The following PKP4 variants were observed in gnomAD, a reference collection of about 807,000 sequenced individuals.
The protein encoded by PKP4 is plakophilin 4.
A neutral mutation model predicts 145.1 loss-of-function variants in PKP4; 90 were observed. The observed-to-expected ratio is 0.62, with a 90% CI of 0.52 to 0.74. The LOEUF is 0.74. PKP4 is among the 30% of genes least tolerant of loss of function. The probability of loss-of-function intolerance (pLI) is 0.00; values close to 1 mark genes in which losing one functional copy is unlikely to be tolerated. For synonymous variants in PKP4, 563 were observed against 577.2 expected (o/e 0.98, Z 0.35); for missense variants, 1,340 against 1,482.7 (o/e 0.90, Z 1.58).
At chr2:158,540,770 A>T (rs2044450253) in intron 2 of PKP4, among the ~76,000 whole-genome samples, 1 of 152,152 alleles carries the variant, frequency 6.6e-6, no homozygotes, top group South Asian at 2.1e-4. Flanking sequence ...TTTTATTTAC[A>T]TTTGAAAGTA....
In PKP4 at chr2:158,680,840, GA is replaced by G. The variant is rs1010061253; in HGVS notation, c.*166del. ...TTTGAGGAATTATCAGGGAAGTGAG[GA>G]AATGTTTGGGAGAGGACTTTCTAAG... On this transcript the variant is annotated 3_prime_UTR_variant, in exon 22 of 22. Coordinates refer to ENST00000389759, the MANE Select transcript of PKP4 (RefSeq NM_003628.6). 3.1e-6 allele frequency: 2 copies of G among 644,646 alleles called. No individual in the cohort carries two copies. Among genetic ancestry groups the G allele is most frequent in the Admixed American group, 6.6e-5 (2 of 30,290 alleles). 39.9% of individuals were successfully genotyped at this position (644,646 alleles called of 1,614,324 possible).
At chr2:158,609,822 G>A (rs908240396) in intron 4 of PKP4, among the ~76,000 whole-genome samples, 13 of 152,152 alleles carry the variant, frequency 8.5e-5, no homozygotes, top group African/African-American at 2.9e-4. Flanking sequence ...ACTCTAGCTT[G>A]CTTGTTTGTG....
rs948808418 is a variant in PKP4, at chr2:158,661,101, C to T, written c.2094-232C>T. 24 of 375,848 alleles carry T rather than the reference C, an allele frequency of 6.4e-5. No homozygotes were observed. The South Asian group carries it at 8.3e-4, about 13-fold the overall frequency. 23.3% of individuals were successfully genotyped at this position (375,848 alleles called of 1,614,324 possible). ...TATATGAGGGAATTAGAAAGTGACA[C>T]GTCATGAGAGAGATACAGTCCAAAT... On this transcript the variant is annotated intron_variant, in intron 12 of 21. Coordinates refer to ENST00000389759, the MANE Select transcript of PKP4 (RefSeq NM_003628.6).
At chr2:158,581,578 G>T (rs191747334) in intron 3 of PKP4, among the ~76,000 whole-genome samples, 1 of 152,186 alleles carries the variant, frequency 6.6e-6, no homozygotes, top group East Asian at 1.9e-4. Context: ...GTTTAATGAC[G>T]CTTATGCTGT....
At chr2:158,619,385 A>G (rs1473494651) in intron 4 of PKP4, among the ~76,000 whole-genome samples, 7 of 152,230 alleles carry the variant, frequency 4.6e-5, no homozygotes, top group Admixed American at 4.6e-4. Context: ...ATACAGAAGC[A>G]TTCTGTCAAA....
chr2:158,554,900 C>T (rs1245626310), intron 2 of PKP4, among the ~76,000 whole-genome samples: 2 of 152,118 alleles, frequency 1.3e-5, no homozygotes, highest in African/African-American at 2.4e-5. Flanking sequence ...TGTTAGGTAG[C>T]AAGAACAGCA....
intron 3 of PKP4, among the ~76,000 whole-genome samples, chr2:158,581,226 T>C (rs1220908946): frequency 2.0e-5 from 3 of 152,286 alleles, no homozygotes; most frequent in East Asian, 3.9e-4. Context: ...CCATTTCCGA[T>C]TTGCTAAAAA....
chr2:158,672,230 A>G (rs746870655), intron 17 of PKP4, among the ~76,000 whole-genome samples: 2 of 152,218 alleles, frequency 1.3e-5, no homozygotes, highest in Non-Finnish European at 2.9e-5. Context: ...TGGAGGTCCT[A>G]TATTTAAGAG....
intron 4 of PKP4, among the ~76,000 whole-genome samples, chr2:158,607,885 C>T (rs1211484392): frequency 1.3e-5 from 2 of 152,144 alleles, no homozygotes; most frequent in African/African-American, 4.8e-5. Context: ...TCTACCCCTT[C>T]CCCGTTGCTT....
At chr2:158,532,778 C>G in intron 1 of PKP4, among the ~76,000 whole-genome samples, 1 of 152,236 alleles carries the variant, frequency 6.6e-6, no homozygotes, top group Non-Finnish European at 1.5e-5. Flanking sequence ...GACCTTGTTG[C>G]TAGTTATTAA....
intron 7 of PKP4, among the ~76,000 whole-genome samples, chr2:158,626,656 T>G (rs1472176301): frequency 6.6e-6 from 1 of 152,184 alleles, no homozygotes; most frequent in Non-Finnish European, 1.5e-5. Context: ...CTATACCTTG[T>G]CTACACTGCA....
chr2:158,647,700 A>C (rs1254839484), intron 11 of PKP4, among the ~76,000 whole-genome samples: 1 of 152,194 alleles, frequency 6.6e-6, no homozygotes, highest in East Asian at 1.9e-4. Context: ...TTCCAGTTGA[A>C]ACCTAATGAG....
intron 4 of PKP4, among the ~76,000 whole-genome samples, chr2:158,605,005 C>A (rs1217424797): frequency 6.6e-6 from 1 of 152,060 alleles, no homozygotes; most frequent in African/African-American, 2.4e-5. Context: ...CTGACCAAGG[C>A]GGACAGAGGG....
intron 17 of PKP4, among the ~76,000 whole-genome samples, chr2:158,670,949 G>A (rs992905390): frequency 3.3e-5 from 5 of 152,176 alleles, no homozygotes; most frequent in Non-Finnish European, 7.3e-5. Flanking sequence ...TGCCATCTCA[G>A]AACAGCAGGA....
At chr2:158,510,378 A>T (rs2041391321) in intron 1 of PKP4, among the ~76,000 whole-genome samples, 1 of 152,196 alleles carries the variant, frequency 6.6e-6, no homozygotes, top group African/African-American at 2.4e-5. Context: ...AACATAGAAG[A>T]CAGGGATCTT....
intron 15 of PKP4, among the ~76,000 whole-genome samples, chr2:158,665,571 C>T (rs1180670699): frequency 2.6e-5 from 4 of 152,090 alleles, no homozygotes; most frequent in Non-Finnish European, 4.4e-5. Context: ...CTTTCAATTA[C>T]CCTAAAATTT....
intron 7 of PKP4, among the ~76,000 whole-genome samples, chr2:158,627,982 A>AT (rs1189530885): frequency 5.3e-5 from 8 of 150,936 alleles, no homozygotes; most frequent in African/African-American, 1.9e-4. Context: ...ATTTATTTTT[A>AT]TTTTTTTATT....
chr2:158,518,406 G>A (rs1303232632), intron 1 of PKP4, among the ~76,000 whole-genome samples: 4 of 152,188 alleles, frequency 2.6e-5, no homozygotes, highest in Non-Finnish European at 4.4e-5. Context: ...CCAGATTCCA[G>A]GGGTGGGGCA....
intron 11 of PKP4, among the ~76,000 whole-genome samples, chr2:158,650,195 T>C (rs951786992): frequency 1.4e-4 from 21 of 152,216 alleles, no homozygotes; most frequent in Non-Finnish European, 4.4e-5. Context: ...TCCCTTTTAT[T>C]AGCTCTGCTT....
Sources: gnomAD v4.1 joint callset for allele counts (sites outside exome capture counted in the v4.1 genomes callset) on GRCh38, gnomAD v4.1.1 for gene constraint, MANE v1.5 for transcripts, NCBI Gene and HGNC (gene_info 2026-07-23, HGNC 2026-07-21) for gene names.